Variants in ZNF829 observed in about 807,000 individuals in gnomAD.
The protein encoded by ZNF829 is zinc finger protein 829.
In ZNF829, 25 loss-of-function variants were observed where a neutral mutation model predicts 35.2. The ratio of observed to expected loss-of-function variants is 0.71; its 90% CI spans 0.52 to 0.99. The LOEUF (loss-of-function observed/expected upper bound fraction) is 0.99. Ranked by LOEUF, ZNF829 falls within the 50% of genes least tolerant of loss-of-function variation. The pLI is 0.00. For synonymous variants in ZNF829, 136 were observed against 163.2 expected, an observed-to-expected ratio of 0.83 and a Z score of 1.27; for missense variants, 417 against 515.3, an observed-to-expected ratio of 0.81 and a Z score of 1.85.
chr19:36,900,444 C>T (rs923905747), intron 5 of ZNF829, among the ~76,000 whole-genome samples: 1 of 151,758 alleles, frequency 6.6e-6, no homozygotes, highest in African/African-American at 2.4e-5. Context: ...ATAGATATCC[C>T]ATTTCTCCTG....
At chr19:36,908,899 T>G (rs2073240894) in intron 3 of ZNF829, among the ~76,000 whole-genome samples, 1 of 152,140 alleles carries the variant, frequency 6.6e-6, no homozygotes, top group African/African-American at 2.4e-5. Flanking sequence ...AGCAATTCCT[T>G]TAATATTATA....
At chr19:36,896,977 A>C (rs2073119217) in intron 5 of ZNF829, among the ~76,000 whole-genome samples, 1 of 152,192 alleles carries the variant, frequency 6.6e-6, no homozygotes, top group Non-Finnish European at 1.5e-5. Flanking sequence ...TCCTGGATAC[A>C]TGAAAACCTA....
intron 5 of ZNF829, among the ~76,000 whole-genome samples, chr19:36,894,922 T>C (rs2073097913): frequency 6.6e-6 from 1 of 152,098 alleles, no homozygotes; most frequent in South Asian, 2.1e-4. Flanking sequence ...GTAAGCAATA[T>C]AGACATCCTG....
At chr19:36,914,226 A>C (rs2073286718) in intron 3 of ZNF829, among the ~76,000 whole-genome samples, 1 of 152,212 alleles carries the variant, frequency 6.6e-6, no homozygotes, top group South Asian at 2.1e-4. Flanking sequence ...TAAAGAAAAA[A>C]TATTGATAAA....
chr19:36,915,598 G>T (rs377537345), intron 1 of ZNF829, among the ~76,000 whole-genome samples: 1,583 of 148,048 alleles, frequency 0.011, 10 homozygotes, highest in African/African-American at 0.013. Context: ...CTCTTTTTTT[G>T]GGGGGGTGGG....
intron 3 of ZNF829, among the ~76,000 whole-genome samples, chr19:36,914,100 A>G (rs529113446): frequency 1.4e-3 from 216 of 152,324 alleles, no homozygotes; most frequent in African/African-American, 4.9e-3. Context: ...GCAACTATAT[A>G]AAATATCTAA....
At chr19:36,896,275 C>T (rs997977710) in intron 5 of ZNF829, among the ~76,000 whole-genome samples, 5 of 149,590 alleles carry the variant, frequency 3.3e-5, no homozygotes, top group South Asian at 2.1e-4. Context: ...CGCACCACTG[C>T]ACTCCAGCTT....
chr19:36,915,244 GA>G lies in ZNF829; in HGVS notation c.-78del. On this transcript the variant is annotated 5_prime_UTR_variant, in exon 2 of 6. An upstream open reading frame in the 5' UTR loses its in-frame stop. Transcript: ENST00000391711. ...GGTTGGAATCTGACCAGACCTCAGAGAGGTTTCCTAGAGACAGAGTTCTGGA... is the reference window on the plus strand; with the variant it reads ...GGTTGGAATCTGACCAGACCTCAGAGGGTTTCCTAGAGACAGAGTTCTGGA... 3 of 1,612,312 alleles carry G rather than the reference GA, an allele frequency of 1.9e-6. No homozygotes were observed. The highest frequency in any genetic ancestry group is 1.1e-5 in the South Asian group (1 of 90,838).
At position 36,907,996 on chromosome 19, in the gene ZNF829, G is replaced by A. The variant is rs2073233380; in HGVS notation, c.252C>T (p.Ile84=). Residue 84 remains isoleucine (I), a synonymous_variant, in exon 5 of 6, where the codon ATC becomes ATT. Transcript: ENST00000391711. ...GCTCTTTTCCTTGTTCCAATAAGGA[G>A]ATCACAGCTGGCTTAGAATTGGAAA... ...VGLSNSKPAV[I]SLLEQGKEPW... The A allele has an allele frequency of 6.2e-7, 1 of 1,613,828 alleles. No individual in the cohort carries two copies. The highest frequency in any genetic ancestry group is 8.5e-7 in the Non-Finnish European group (1 of 1,179,938).
intron 5 of ZNF829, among the ~76,000 whole-genome samples, chr19:36,903,305 T>C (rs919803315): frequency 1.3e-5 from 2 of 152,360 alleles, no homozygotes; most frequent in African/African-American, 4.8e-5. Context: ...TTGGGTAATA[T>C]AAATAAATAC....
intron 5 of ZNF829, among the ~76,000 whole-genome samples, chr19:36,900,042 A>T (rs184953350): frequency 6.6e-6 from 1 of 152,038 alleles, no homozygotes; most frequent in Non-Finnish European, 1.5e-5. Flanking sequence ...ATGGTGGCTC[A>T]TGTCTGTAAT....
At chr19:36,902,026 T>A in intron 5 of ZNF829, 1 of 650,466 alleles carries the variant, frequency 1.5e-6, no homozygotes, top group South Asian at 1.7e-5. Context: ...GTAATGGGGA[T>A]GAAGATTCAC....
At chr19:36,911,386 A>G (rs2073263269) in intron 3 of ZNF829, among the ~76,000 whole-genome samples, 2 of 152,050 alleles carry the variant, frequency 1.3e-5, no homozygotes, top group African/African-American at 4.8e-5. Flanking sequence ...TAATTTTTGT[A>G]TTTTTAGTAG....
chr19:36,915,234 A>G lies in ZNF829; in HGVS notation c.-67T>C. On this transcript the variant is annotated 5_prime_UTR_variant, in exon 2 of 6. Transcript: ENST00000391711. ...TGCTGTCCAGGGTTGGAATCTGACCAGACCTCAGAGAGGTTTCCTAGAGAC... is the reference window on the plus strand; with the variant it reads ...TGCTGTCCAGGGTTGGAATCTGACCGGACCTCAGAGAGGTTTCCTAGAGAC... 1 of 1,613,560 alleles carries G rather than the reference A, an allele frequency of 6.2e-7. No individual in the cohort carries two copies. The highest frequency in any genetic ancestry group is 1.1e-5 in the South Asian group (1 of 90,976).
Position 36,908,394 on chromosome 19 carries a change from A to G in ZNF829, c.162T>C (p.Ala54=), listed in dbSNP as rs2073236394. The G allele has an allele frequency of 2.5e-6, 4 of 1,613,776 alleles. No homozygotes were observed. Among genetic ancestry groups the G allele is most frequent in the Non-Finnish European group, 3.4e-6 (4 of 1,179,796 alleles). Residue 54 remains alanine (A), a synonymous_variant, in exon 4 of 6, where the codon GCT becomes GCC. Transcript: ENST00000391711. ...CTTCTTTGTATAAATTCATCTGATC[A>G]GCGTCCAGGCATTCCCATTCCTCTT... The part of the protein sequence containing the change: ...FSQEEWECLD[A]DQMNLYKEVM...
intron 5 of ZNF829, among the ~76,000 whole-genome samples, chr19:36,896,242 C>T (rs1194561059): frequency 4.0e-5 from 6 of 150,772 alleles, no homozygotes; most frequent in African/African-American, 1.2e-4. Flanking sequence ...ACCTGGGAGA[C>T]GGAGCCTGAA....
Position 36,891,557 on chromosome 19 carries a change from C to G in ZNF829, c.1234G>C (p.Glu412Gln), listed in dbSNP as rs763558897. Reference sequence around the variant, plus strand: ...CGACTACCAAAAGCCTTTCCACATTCCTTACAGTCATAGGGTTTCTCACCA... The same window carrying G: ...CGACTACCAAAAGCCTTTCCACATTGCTTACAGTCATAGGGTTTCTCACCA... ...HTGEKPYDCK[E>Q]CGKAFGSRSD... Residue 412 changes from glutamate to glutamine, a missense_variant, in exon 6 of 6, where the codon GAA (glutamate) becomes CAA (glutamine). Coordinates refer to ENST00000391711, the MANE Select transcript of ZNF829 (RefSeq NM_001037232.4). The G allele has an allele frequency of 6.2e-7, 1 of 1,610,498 alleles. No homozygotes were observed. Among genetic ancestry groups the G allele is most frequent in the Non-Finnish European group, 8.5e-7 (1 of 1,178,548 alleles).
chr19:36,914,640 A>G (rs1043481216), intron 3 of ZNF829, among the ~76,000 whole-genome samples: 7 of 152,204 alleles, frequency 4.6e-5, no homozygotes, highest in Non-Finnish European at 8.8e-5. Context: ...TATTTCTGAC[A>G]CTTCTTTTTG....
At chr19:36,896,318 A>G (rs1015416679) in intron 5 of ZNF829, among the ~76,000 whole-genome samples, 1 of 148,752 alleles carries the variant, frequency 6.7e-6, no homozygotes, top group Admixed American at 7.1e-5. Flanking sequence ...AAAAAAAAAA[A>G]AGAAAGAAAA....
Sources: gnomAD v4.1 joint callset for allele counts (sites outside exome capture counted in the v4.1 genomes callset) on GRCh38, gnomAD v4.1.1 for gene constraint, MANE v1.5 for transcripts, NCBI Gene and HGNC (gene_info 2026-07-23, HGNC 2026-07-21) for gene names.